MLLT3: variants seen among roughly 807,000 people sequenced by gnomAD.
MLLT3 encodes MLLT3 super elongation complex subunit.
In MLLT3, 4 loss-of-function variants were observed where a neutral mutation model predicts 53.2. The ratio of observed to expected loss-of-function variants is 0.08; its 90% CI spans 0.04 to 0.17. The LOEUF is 0.17. Ranked by LOEUF, MLLT3 falls within the 10% of genes least tolerant of loss-of-function variation. MLLT3 has a pLI of 1.00. For synonymous variants in MLLT3, 283 were observed against 230.6 expected (o/e 1.23, Z -2.06); for missense variants, 569 against 684.0 (o/e 0.83, Z 1.87).
chr9:20,494,656 G>A (rs1586993763), intron 2 of MLLT3, among the ~76,000 whole-genome samples: 1 of 151,944 alleles, frequency 6.6e-6, no homozygotes, highest in African/African-American at 2.4e-5. Flanking sequence ...AAAACAAAGT[G>A]GTGACAGCTA....
chr9:20,466,471 C>G (rs756525248), intron 2 of MLLT3, among the ~76,000 whole-genome samples: 4 of 152,134 alleles, frequency 2.6e-5, no homozygotes, highest in Non-Finnish European at 4.4e-5. Flanking sequence ...CCTACTTTTA[C>G]AGAGTATGGG....
intron 2 of MLLT3, among the ~76,000 whole-genome samples, chr9:20,613,371 G>C (rs1380307434): frequency 2.6e-5 from 4 of 152,140 alleles, no homozygotes; most frequent in African/African-American, 9.7e-5. Context: ...ATTATTATTT[G>C]TAAGCAACAT....
chr9:20,382,594 A>T (rs1821933087), intron 5 of MLLT3: 1 of 151,946 alleles, frequency 6.6e-6, no homozygotes, highest in South Asian at 2.1e-4. Flanking sequence ...TCTAACACAT[A>T]CACAGGCTAA....
chr9:20,404,193 T>A (rs1822525771), intron 5 of MLLT3, among the ~76,000 whole-genome samples: 1 of 152,188 alleles, frequency 6.6e-6, no homozygotes, highest in South Asian at 2.1e-4. Flanking sequence ...AATGAAGCGT[T>A]AGGCCAAATA....
chr9:20,370,083 G>T (rs114450901), intron 5 of MLLT3, among the ~76,000 whole-genome samples: 1,536 of 152,254 alleles, frequency 0.01, 26 homozygotes, highest in African/African-American at 0.036. Flanking sequence ...GACCTACTGG[G>T]TAATGAAATG....
At chr9:20,407,125 G>A (rs1822598977) in intron 5 of MLLT3, among the ~76,000 whole-genome samples, 1 of 152,196 alleles carries the variant, frequency 6.6e-6, no homozygotes, top group African/African-American at 2.4e-5. Flanking sequence ...ATAACTTAGA[G>A]AGGTTATAAC....
chr9:20,619,603 A>T (rs1386137144), intron 2 of MLLT3, among the ~76,000 whole-genome samples: 1 of 152,266 alleles, frequency 6.6e-6, no homozygotes, highest in Non-Finnish European at 1.5e-5. Flanking sequence ...GTGTCGACTT[A>T]GATAAATAAA....
intron 4 of MLLT3, among the ~76,000 whole-genome samples, chr9:20,447,059 G>C (rs2118844966): frequency 6.6e-6 from 1 of 152,148 alleles, no homozygotes; most frequent in Non-Finnish European, 1.5e-5. Flanking sequence ...AAAAAATGGG[G>C]TCCACATCAC....
intron 2 of MLLT3, among the ~76,000 whole-genome samples, chr9:20,575,878 A>T (rs1256404716): frequency 6.6e-6 from 1 of 152,226 alleles, no homozygotes; most frequent in Non-Finnish European, 1.5e-5. Flanking sequence ...CAGCTGCATT[A>T]GCCCTTAACA....
In MLLT3 at chr9:20,612,798, T is replaced by C. The variant is rs560415522; in HGVS notation, c.193+7856A>G. ...ATAGGAAATATTAAAATAGCCAAAA[T>C]TGGCAAAGATATAGAGGAAAAATGG... On this transcript the variant is annotated intron_variant, in intron 2 of 10. Coordinates refer to ENST00000380338, the MANE Select transcript of MLLT3 (RefSeq NM_004529.4). Among the ~76,000 whole-genome samples the C allele has an allele frequency of 1.3e-5, 2 of 152,144 alleles. 1 individual carries two copies. Among genetic ancestry groups the C allele is most frequent in the African/African-American group, 4.8e-5 (2 of 41,504 alleles).
At chr9:20,445,821 G>T (rs906939128) in intron 4 of MLLT3, among the ~76,000 whole-genome samples, 2 of 152,064 alleles carry the variant, frequency 1.3e-5, no homozygotes, top group Non-Finnish European at 2.9e-5. Flanking sequence ...GAGGAGGAAA[G>T]TATCCTCTCT....
chr9:20,483,059 A>G (rs1402063820), intron 2 of MLLT3, among the ~76,000 whole-genome samples: 2 of 150,412 alleles, frequency 1.3e-5, no homozygotes, highest in Non-Finnish European at 3.0e-5. Flanking sequence ...TCTCCAGGTG[A>G]AAAAAAAACA....
intron 4 of MLLT3, among the ~76,000 whole-genome samples, chr9:20,427,062 T>C (rs1201856057): frequency 6.6e-6 from 1 of 152,100 alleles, no homozygotes; most frequent in Non-Finnish European, 1.5e-5. Flanking sequence ...ATTCCCAATG[T>C]TCACCTAAAT....
intron 2 of MLLT3, among the ~76,000 whole-genome samples, chr9:20,498,410 T>C (rs1825136329): frequency 6.6e-6 from 1 of 152,170 alleles, no homozygotes; most frequent in Non-Finnish European, 1.5e-5. Context: ...TCTTTTCTTG[T>C]GCTTCTTTCA....
intron 5 of MLLT3, among the ~76,000 whole-genome samples, chr9:20,409,396 G>A (rs117862027): frequency 1.6e-3 from 248 of 152,208 alleles, no homozygotes; most frequent in Middle Eastern, 0.01. Flanking sequence ...TTACAGAAGA[G>A]GTGAAAGATA....
intron 2 of MLLT3, among the ~76,000 whole-genome samples, chr9:20,610,849 A>G (rs954914084): frequency 1.3e-5 from 2 of 152,178 alleles, no homozygotes; most frequent in African/African-American, 4.8e-5. Context: ...ATACAGAGAA[A>G]AAGTCATACA....
intron 2 of MLLT3, among the ~76,000 whole-genome samples, chr9:20,499,320 G>A (rs1162317284): frequency 6.6e-6 from 1 of 152,078 alleles, no homozygotes; most frequent in Non-Finnish European, 1.5e-5. Flanking sequence ...ATATTTGGGA[G>A]GATATAACTC....
chr9:20,460,404 T>C (rs1276913202), intron 2 of MLLT3, among the ~76,000 whole-genome samples: 1 of 152,224 alleles, frequency 6.6e-6, no homozygotes, highest in African/African-American at 2.4e-5. Flanking sequence ...CTTTTTAAAT[T>C]CTCATGTTCT....
chr9:20,565,329 G>A (rs1274823644), intron 2 of MLLT3, among the ~76,000 whole-genome samples: 1 of 152,024 alleles, frequency 6.6e-6, no homozygotes. Flanking sequence ...AGTTGGGAGG[G>A]ATGAGGAAAA....
Sources: allele counts gnomAD v4.1 joint callset (sites outside exome capture counted in the v4.1 genomes callset), GRCh38; gene constraint gnomAD v4.1.1; transcripts MANE v1.5; gene names NCBI Gene and HGNC (gene_info 2026-07-23, HGNC 2026-07-21).